The following NELL1 variants were observed in gnomAD, a reference collection of about 807,000 sequenced individuals.
The protein encoded by NELL1 is protein kinase C-binding protein NELL1.
Under a neutral mutation model 107.4 loss-of-function variants are expected in NELL1, and 76 were observed. The observed-to-expected ratio is 0.71, with a 90% CI of 0.59 to 0.86. The LOEUF is 0.86. Ranked by LOEUF, NELL1 falls within the 40% of genes least tolerant of loss-of-function variation. The pLI is 0.00. For missense variants in NELL1, 1,024 were observed against 1,005.5 expected (o/e 1.02, Z -0.25); for synonymous variants, 353 against 341.2 (o/e 1.03, Z -0.38).
intron 12 of NELL1, among the ~76,000 whole-genome samples, chr11:21,035,396 C>A (rs1853063798): frequency 6.6e-6 from 1 of 151,258 alleles, no homozygotes; most frequent in African/African-American, 2.4e-5. Flanking sequence ...ATCCTAATAC[C>A]AAAACCTGGT....
intron 3 of NELL1, among the ~76,000 whole-genome samples, chr11:20,817,498 T>G (rs1857649073): frequency 1.3e-5 from 2 of 152,172 alleles, no homozygotes; most frequent in Non-Finnish European, 2.9e-5. Context: ...CCTTGTGATT[T>G]CTGTTTGTGC....
chr11:20,813,460 A>G lies in NELL1; in HGVS notation c.335+29630A>G, dbSNP rs543924975. 6.0e-3 allele frequency among the ~76,000 whole-genome samples: 200 copies of G among 33,282 alleles called. 1 individual carries two copies. In the Middle Eastern group the frequency reaches 0.067, roughly 11 times the overall value. 21.8% of individuals were successfully genotyped at this position (33,282 alleles called of 152,430 possible). On this transcript the variant is annotated intron_variant, in intron 3 of 19. Transcript: ENST00000357134. The stretch of plus-strand genomic sequence containing the variant: ...GTAGATATACATGATGAGTTTGAAG[A>G]GGACGTGATAAAAAAAAACCATTGC...
In NELL1 at chr11:20,669,802, A is replaced by C. The variant is rs765818477; in HGVS notation, c.55+24A>C. ...AGGTAAGCATGACTGTGGCGGTTAG[A>C]GGGATCCGGGAAATGGGGGTGCCCA... On this transcript the variant is annotated intron_variant, in intron 1 of 19. Coordinates refer to ENST00000357134, the MANE Select transcript of NELL1 (RefSeq NM_006157.5). The surrounding 1 kb of genome is among the most constrained non-coding windows in gnomAD (Gnocchi z 4.4). 1.2e-6 allele frequency: 2 copies of C among 1,606,630 alleles called. No homozygotes were observed. Among genetic ancestry groups the C allele is most frequent in the African/African-American group, 2.7e-5 (2 of 74,696 alleles).
At chr11:21,405,536 T>C (rs913784630) in intron 15 of NELL1, among the ~76,000 whole-genome samples, 1 of 152,040 alleles carries the variant, frequency 6.6e-6, no homozygotes, top group African/African-American at 2.4e-5. Context: ...TTCTGGGCCA[T>C]AAGAAAGTTG....
rs568959980 is a variant in NELL1 at position 21,087,634 on chromosome 11, G to A, written c.1301-25955G>A. On this transcript the variant is annotated intron_variant, in intron 12 of 19. Coordinates refer to ENST00000357134, the MANE Select transcript of NELL1 (RefSeq NM_006157.5). The stretch of plus-strand genomic sequence containing the variant: ...GACATAAGGTGCTTTAAACACCAGG[G>A]TCAGCTGAAATGCAGCAGGAAGGAG... Among the ~76,000 whole-genome samples, 5 of 152,240 alleles carry A rather than the reference G, an allele frequency of 3.3e-5. No individual in the cohort carries two copies. The South Asian group carries it at 1.0e-3, about 32-fold the overall frequency.
At chr11:21,046,749 C>G (rs1016604163) in intron 12 of NELL1, among the ~76,000 whole-genome samples, 1 of 151,916 alleles carries the variant, frequency 6.6e-6, no homozygotes, top group Non-Finnish European at 1.5e-5. Flanking sequence ...GTCACCCAGG[C>G]TGGAGTGCAG....
intron 1 of NELL1, among the ~76,000 whole-genome samples, chr11:20,670,186 C>T (rs954847419): frequency 6.6e-6 from 1 of 152,192 alleles, no homozygotes; most frequent in Non-Finnish European, 1.5e-5. Context: ...GAAGGGGTAG[C>T]TGCGGGAGTC....
intron 12 of NELL1, among the ~76,000 whole-genome samples, chr11:20,973,829 A>G (rs1254156665): frequency 3.9e-5 from 6 of 152,210 alleles, no homozygotes; most frequent in Non-Finnish European, 8.8e-5. Context: ...CTGGATCTTT[A>G]TCACTTTTCC....
intron 15 of NELL1, among the ~76,000 whole-genome samples, chr11:21,509,974 G>T (rs2133943125): frequency 6.6e-6 from 1 of 152,248 alleles, no homozygotes; most frequent in African/African-American, 2.4e-5. Flanking sequence ...TAATCCTTGA[G>T]TTTTATCTGT....
intron 12 of NELL1, among the ~76,000 whole-genome samples, chr11:21,080,967 C>CT (rs1013944734): frequency 4.0e-5 from 6 of 150,900 alleles, no homozygotes; most frequent in African/African-American, 9.7e-5. Flanking sequence ...TTCTTTGAGC[C>CT]TTTTTTTTTA....
intron 13 of NELL1, among the ~76,000 whole-genome samples, chr11:21,121,492 A>G (rs1855366943): frequency 6.6e-6 from 1 of 152,186 alleles, no homozygotes; most frequent in Non-Finnish European, 1.5e-5. Flanking sequence ...CAAATGGAGC[A>G]TATCTATGGT....
At chr11:20,989,490 T>G (rs1851925398) in intron 12 of NELL1, among the ~76,000 whole-genome samples, 1 of 152,230 alleles carries the variant, frequency 6.6e-6, no homozygotes, top group Admixed American at 6.5e-5. Context: ...CATTACCTTA[T>G]CTTCTTGACT....
chr11:21,444,264 TAAG>T (rs983269602), intron 15 of NELL1, among the ~76,000 whole-genome samples: 5 of 152,286 alleles, frequency 3.3e-5, no homozygotes, highest in Admixed American at 2.0e-4. Context: ...ATTACCACTT[TAAG>T]AAGAACTGCC....
At chr11:21,184,013 G>A (rs949228661) in intron 13 of NELL1, among the ~76,000 whole-genome samples, 12 of 151,940 alleles carry the variant, frequency 7.9e-5, no homozygotes, top group Admixed American at 3.9e-4. Flanking sequence ...TTTTCTAGGT[G>A]TAGTGAAGGG....
intron 9 of NELL1, among the ~76,000 whole-genome samples, chr11:20,937,443 C>G (rs1411091111): frequency 6.6e-6 from 1 of 152,222 alleles, no homozygotes; most frequent in East Asian, 1.9e-4. Context: ...GTGTCTGAAT[C>G]AAAGCTACTG....
At chr11:20,794,519 A>T (rs116737406) in intron 3 of NELL1, among the ~76,000 whole-genome samples, 1 of 152,196 alleles carries the variant, frequency 6.6e-6, no homozygotes, top group African/African-American at 2.4e-5. Context: ...TGTGCTACAC[A>T]TGGGAGGCTG....
At chr11:21,227,801 T>G (rs975190914) in intron 13 of NELL1, among the ~76,000 whole-genome samples, 9 of 152,306 alleles carry the variant, frequency 5.9e-5, no homozygotes, top group African/African-American at 2.2e-4. Context: ...AAAAATTTTA[T>G]TTGGAAAATT....
intron 13 of NELL1, among the ~76,000 whole-genome samples, chr11:21,129,518 A>G (rs1255941496): frequency 6.6e-6 from 1 of 152,220 alleles, no homozygotes; most frequent in East Asian, 1.9e-4. Flanking sequence ...GTATCCATCA[A>G]TGAATGAATG....
At chr11:21,336,855 C>G (rs1850414265) in intron 14 of NELL1, among the ~76,000 whole-genome samples, 1 of 151,782 alleles carries the variant, frequency 6.6e-6, no homozygotes, top group South Asian at 2.1e-4. Context: ...CTAGAAATCA[C>G]AGGAAATAAA....
Sources: gnomAD v4.1 joint callset for allele counts (sites outside exome capture counted in the v4.1 genomes callset) on GRCh38, gnomAD v4.1.1 for gene constraint, Gnocchi (gnomAD v3.1) non-coding constraint, MANE v1.5 for transcripts, NCBI Gene and HGNC (gene_info 2026-07-23, HGNC 2026-07-21) for gene names.